Variants in CDH13 observed in about 807,000 individuals in gnomAD.
The protein encoded by CDH13 is cadherin-13.
CDH13 carries 24 observed loss-of-function variants against 63.8 expected under a neutral mutation model. The ratio of observed to expected loss-of-function variants is 0.38; its 90% CI spans 0.27 to 0.53. The LOEUF is 0.53. Among genes scored for constraint, CDH13 ranks in the 20% least tolerant of loss-of-function variants. CDH13 has a pLI of 0.85. For missense variants in CDH13, 1,049 were observed against 903.1 expected, an observed-to-expected ratio of 1.16 and a Z score of -2.07; for synonymous variants, 503 against 355.3, an observed-to-expected ratio of 1.42 and a Z score of -4.67.
chr16:82,640,977 G>A, intron 1 of CDH13, among the ~76,000 whole-genome samples: 1 of 152,320 alleles, frequency 6.6e-6, no homozygotes, highest in East Asian at 1.9e-4. Flanking sequence ...GGTTCAGGGG[G>A]TTAAGTTGGT....
chr16:83,510,710 T>G (rs982701097), intron 7 of CDH13, among the ~76,000 whole-genome samples: 3 of 152,220 alleles, frequency 2.0e-5, no homozygotes, highest in Non-Finnish European at 4.4e-5. Context: ...CACCTACTTC[T>G]AGATAGAGCC....
chr16:83,604,005 G>C lies in CDH13; in HGVS notation c.1101+1411G>C, dbSNP rs552568368. Reference sequence around the variant, plus strand: ...GAATTTTATCATGAGACAGCACTAGGGGGGTGGGTGCTAAACTATTAGAAA... The same window carrying C: ...GAATTTTATCATGAGACAGCACTAGCGGGGTGGGTGCTAAACTATTAGAAA... On this transcript the variant is annotated intron_variant, in intron 8 of 13. Transcript: ENST00000567109. 9.9e-5 allele frequency among the ~76,000 whole-genome samples: 15 copies of C among 152,174 alleles called. No homozygotes were observed. In the East Asian group the frequency reaches 1.7e-3, roughly 18 times the overall value.
At chr16:82,830,498 G>A (rs760180050) in intron 1 of CDH13, among the ~76,000 whole-genome samples, 8 of 152,140 alleles carry the variant, frequency 5.3e-5, no homozygotes, top group African/African-American at 1.2e-4. Flanking sequence ...GAGTGATACA[G>A]TGAAAGTAAA....
Position 83,339,827 on chromosome 16 carries a change from C to A in CDH13, c.637-5035C>A, listed in dbSNP as rs563675381. ...AGCAGGAAACCACTAGCACTAGAAT[C>A]TCTCAAAGTGCTGGTTTAAACATAA... On this transcript the variant is annotated intron_variant, in intron 5 of 13. Coordinates refer to ENST00000567109, the MANE Select transcript of CDH13 (RefSeq NM_001257.5). Among the ~76,000 whole-genome samples the A allele has an allele frequency of 4.4e-4, 67 of 152,332 alleles. 2 individuals carry two copies. The South Asian group carries it at 5.4e-3, about 12-fold the overall frequency.
chr16:83,677,672 A>G (rs998006614), intron 9 of CDH13, among the ~76,000 whole-genome samples: 2 of 152,094 alleles, frequency 1.3e-5, no homozygotes, highest in Non-Finnish European at 2.9e-5. Flanking sequence ...TAAATATAAA[A>G]CTTTGGTTTT....
intron 2 of CDH13, among the ~76,000 whole-genome samples, chr16:82,994,069 G>A (rs1175829403): frequency 6.6e-6 from 1 of 152,164 alleles, no homozygotes; most frequent in Non-Finnish European, 1.5e-5. Flanking sequence ...GGGAAGTACA[G>A]CATCTGGCTC....
intron 9 of CDH13, among the ~76,000 whole-genome samples, chr16:83,675,379 T>C (rs972819065): frequency 6.6e-6 from 1 of 152,146 alleles, no homozygotes; most frequent in African/African-American, 2.4e-5. Flanking sequence ...AAGGCCAGCC[T>C]CACATTGTAT....
intron 2 of CDH13, among the ~76,000 whole-genome samples, chr16:82,918,315 A>T (rs1697304691): frequency 6.6e-6 from 1 of 152,178 alleles, no homozygotes; most frequent in Non-Finnish European, 1.5e-5. Flanking sequence ...TTCTCACAGA[A>T]GACACGGAGA....
intron 2 of CDH13, among the ~76,000 whole-genome samples, chr16:83,010,520 G>C (rs1389058512): frequency 1.3e-5 from 2 of 152,088 alleles, no homozygotes; most frequent in Non-Finnish European, 2.9e-5. Flanking sequence ...ACTTAATGAA[G>C]AGGAACCCCA....
At chr16:83,103,197 C>T (rs2034585234) in intron 3 of CDH13, among the ~76,000 whole-genome samples, 1 of 150,118 alleles carries the variant, frequency 6.7e-6, no homozygotes. Flanking sequence ...AAGTGATCCA[C>T]CCACCTCAAC....
chr16:83,083,206 G>A (rs1340993282), intron 3 of CDH13, among the ~76,000 whole-genome samples: 1 of 152,188 alleles, frequency 6.6e-6, no homozygotes, highest in Non-Finnish European at 1.5e-5. Context: ...TTTAAATACA[G>A]CATCTTACTT....
intron 1 of CDH13, among the ~76,000 whole-genome samples, chr16:82,718,801 C>A (rs2032565702): frequency 6.6e-6 from 1 of 152,080 alleles, no homozygotes; most frequent in Non-Finnish European, 1.5e-5. Context: ...GAATTATCTC[C>A]CACCAGGTCC....
chr16:82,975,261 C>T (rs1327551902), intron 2 of CDH13, among the ~76,000 whole-genome samples: 2 of 152,290 alleles, frequency 1.3e-5, no homozygotes, highest in Non-Finnish European at 1.5e-5. Context: ...AGAGATAAGG[C>T]TCCCAAGGGG....
At chr16:82,916,403 G>A (rs13332124) in intron 2 of CDH13, among the ~76,000 whole-genome samples, 268 of 152,094 alleles carry the variant, frequency 1.8e-3, no homozygotes, top group African/African-American at 6.2e-3. Flanking sequence ...GTGAAACCCC[G>A]TCTCTACTAA....
chr16:83,527,635 A>T (rs1336123521), intron 7 of CDH13, among the ~76,000 whole-genome samples: 1 of 152,160 alleles, frequency 6.6e-6, no homozygotes, highest in African/African-American at 2.4e-5. Context: ...CTGCTTTTTC[A>T]TTTGTAAGTT....
At chr16:83,488,569 A>G (rs764131913) in intron 7 of CDH13, among the ~76,000 whole-genome samples, 5 of 151,912 alleles carry the variant, frequency 3.3e-5, no homozygotes, top group African/African-American at 1.2e-4. Context: ...AGTCCATTAT[A>G]TTCATTTCAT....
At chr16:82,981,989 A>G (rs1235945165) in intron 2 of CDH13, among the ~76,000 whole-genome samples, 1 of 152,166 alleles carries the variant, frequency 6.6e-6, no homozygotes, top group African/African-American at 2.4e-5. Flanking sequence ...GTTGCTTGCC[A>G]TTGGACTATT....
chr16:83,454,140 A>G (rs2072959241), intron 6 of CDH13, among the ~76,000 whole-genome samples: 1 of 152,232 alleles, frequency 6.6e-6, no homozygotes, highest in Non-Finnish European at 1.5e-5. Context: ...TCAGTTAGCA[A>G]CTGCAAGTAT....
intron 1 of CDH13, among the ~76,000 whole-genome samples, chr16:82,741,793 C>G (rs921513894): frequency 2.0e-5 from 3 of 152,142 alleles, no homozygotes; most frequent in Non-Finnish European, 2.9e-5. Flanking sequence ...TTTAGAAAGA[C>G]AAGACATAGT....
Sources: allele counts gnomAD v4.1 joint callset (sites outside exome capture counted in the v4.1 genomes callset), GRCh38; gene constraint gnomAD v4.1.1; transcripts MANE v1.5; gene names NCBI Gene and HGNC (gene_info 2026-07-23, HGNC 2026-07-21).